ANO3: variants seen among roughly 807,000 people sequenced by gnomAD.
The protein encoded by ANO3 is anoctamin-3.
Under a neutral mutation model 144.8 loss-of-function variants are expected in ANO3, and 99 were observed. The observed-to-expected ratio is 0.68, with a 90% confidence interval of 0.58 to 0.81. The LOEUF (loss-of-function observed/expected upper bound fraction) is 0.81, where lower values mean the gene tolerates loss of function less well. Among genes scored for constraint, ANO3 ranks in the 30% least tolerant of loss-of-function variants. The pLI, the probability that ANO3 is intolerant of heterozygous loss-of-function variation, is 0.00. For synonymous variants in ANO3, 414 were observed against 392.6 expected, an observed-to-expected ratio of 1.05 and a Z score of -0.64; for missense variants, 905 against 1,202.2, an observed-to-expected ratio of 0.75 and a Z score of 3.66.
At chr11:26,190,872 C>T (rs775445460) in intron 1 of ANO3, among the ~76,000 whole-genome samples, 1 of 152,194 alleles carries the variant, frequency 6.6e-6, no homozygotes, top group African/African-American at 2.4e-5. Context: ...TGAAATGCTT[C>T]CTCCTTTTTG....
intron 22 of ANO3, among the ~76,000 whole-genome samples, chr11:26,642,642 C>T (rs989159427): frequency 6.6e-6 from 1 of 152,028 alleles, no homozygotes; most frequent in African/African-American, 2.4e-5. Flanking sequence ...TGAGCCACCG[C>T]ACCTGGCCAG....
intron 1 of ANO3, among the ~76,000 whole-genome samples, chr11:26,231,014 G>A (rs142781984): frequency 0.015 from 2,287 of 151,320 alleles, 49 homozygotes; most frequent in East Asian, 0.13. Context: ...GAGTAGCTGG[G>A]ATTGCAGGTG....
intron 23 of ANO3, among the ~76,000 whole-genome samples, chr11:26,645,294 T>A (rs1853309709): frequency 6.6e-6 from 1 of 152,034 alleles, no homozygotes; most frequent in South Asian, 2.1e-4. Context: ...TGAACTTATT[T>A]TGTTTCTATT....
At chr11:26,369,112 G>C (rs716700) in intron 1 of ANO3, among the ~76,000 whole-genome samples, 23,747 of 151,950 alleles carry the variant, frequency 0.16, 1,986 homozygotes, top group South Asian at 0.27. Context: ...TAAAGCAATA[G>C]AAATATTTTC....
intron 1 of ANO3, among the ~76,000 whole-genome samples, chr11:26,320,666 T>C (rs1395276643): frequency 6.6e-6 from 1 of 152,188 alleles, no homozygotes; most frequent in East Asian, 1.9e-4. Context: ...TATGATGTTA[T>C]ATCTTATTTA....
At chr11:26,292,757 G>T (rs1443326965) in intron 1 of ANO3, among the ~76,000 whole-genome samples, 2 of 152,150 alleles carry the variant, frequency 1.3e-5, no homozygotes, top group African/African-American at 2.4e-5. Context: ...AGCAAATATT[G>T]CACAACAGCA....
At chr11:26,294,705 C>T (rs1854045747) in intron 1 of ANO3, among the ~76,000 whole-genome samples, 2 of 152,144 alleles carry the variant, frequency 1.3e-5, no homozygotes, top group Admixed American at 6.5e-5. Flanking sequence ...CTGCCTGTGA[C>T]TTACTCTAGT....
At chr11:26,342,238 C>G (rs998356054) in intron 1 of ANO3, among the ~76,000 whole-genome samples, 1 of 152,110 alleles carries the variant, frequency 6.6e-6, no homozygotes, top group Admixed American at 6.6e-5. Context: ...CCTATAGGGA[C>G]TGCTATATAG....
chr11:26,446,985 G>T (rs1198656699), intron 3 of ANO3, among the ~76,000 whole-genome samples: 1 of 152,062 alleles, frequency 6.6e-6, no homozygotes, highest in African/African-American at 2.4e-5. Context: ...TGAGGCAGGA[G>T]GACTGCTTAA....
chr11:26,562,729 T>A (rs904294210), intron 14 of ANO3, among the ~76,000 whole-genome samples: 6 of 151,876 alleles, frequency 4.0e-5, no homozygotes, highest in African/African-American at 1.4e-4. Flanking sequence ...AGAATCAATC[T>A]TTGTTCAAAT....
chr11:26,497,106 G>T (rs528895851), intron 4 of ANO3, among the ~76,000 whole-genome samples: 1 of 150,870 alleles, frequency 6.6e-6, no homozygotes, highest in African/African-American at 2.4e-5. Context: ...ATTTCTGTGT[G>T]TGTATATATG....
intron 4 of ANO3, among the ~76,000 whole-genome samples, chr11:26,478,839 C>T (rs959807760): frequency 6.6e-6 from 1 of 152,100 alleles, no homozygotes; most frequent in Non-Finnish European, 1.5e-5. Flanking sequence ...CAAATGACTA[C>T]GTGTAGTCAT....
intron 1 of ANO3, among the ~76,000 whole-genome samples, chr11:26,394,570 C>CTTTTTTTTTTTTTTTTTTTTTTTTTT (rs56118844): frequency 8.6e-6 from 1 of 115,750 alleles, no homozygotes; most frequent in Non-Finnish European, 1.8e-5. Flanking sequence ...ATTTCATTTT[C>CTTTTTTTTTTTTTTTTTTTTTTTTTT]TTTTTTTTTT....
intron 1 of ANO3, among the ~76,000 whole-genome samples, chr11:26,224,510 T>C (rs1852216789): frequency 6.6e-6 from 1 of 152,254 alleles, no homozygotes; most frequent in Non-Finnish European, 1.5e-5. Flanking sequence ...TCACCACCTA[T>C]ACATGCCCCC....
intron 1 of ANO3, among the ~76,000 whole-genome samples, chr11:26,254,601 T>C (rs1853013062): frequency 6.6e-6 from 1 of 152,204 alleles, no homozygotes; most frequent in African/African-American, 2.4e-5. Context: ...ACTACGCTTA[T>C]GCATTTTGTT....
chr11:26,224,682 G>A (rs777392640), intron 1 of ANO3, among the ~76,000 whole-genome samples: 3 of 152,184 alleles, frequency 2.0e-5, no homozygotes, highest in Admixed American at 6.5e-5. Flanking sequence ...GCATCCTTTT[G>A]TCAAGGCTTT....
rs367679194 is a variant in ANO3 at position 26,503,394 on chromosome 11, A to C, written c.433-4710A>C. Among the ~76,000 whole-genome samples the C allele has an allele frequency of 6.1e-4, 93 of 152,248 alleles. 2 individuals carry two copies. In the East Asian group the frequency reaches 0.016, roughly 26 times the overall value. On this transcript the variant is annotated intron_variant, in intron 4 of 26. Transcript: ENST00000256737. ...TGACACAGGTAATCAGTTTTCAGTT[A>C]ATTCTGTTTTAAAGCAATAGGTTTG...
intron 14 of ANO3, among the ~76,000 whole-genome samples, chr11:26,588,971 C>T (rs421694): frequency 0.72 from 109,377 of 152,052 alleles, 39,463 homozygotes; most frequent in South Asian, 0.83. Context: ...GCTGTTTTGC[C>T]TCTTTTAGTC....
At chr11:26,314,249 C>A (rs1854570937) in intron 1 of ANO3, among the ~76,000 whole-genome samples, 1 of 152,124 alleles carries the variant, frequency 6.6e-6, no homozygotes, top group Non-Finnish European at 1.5e-5. Context: ...ACTTTTGAGT[C>A]CGATTATCTG....
Sources: gnomAD v4.1 joint callset for allele counts (sites outside exome capture counted in the v4.1 genomes callset) on GRCh38, gnomAD v4.1.1 for gene constraint, MANE v1.5 for transcripts, NCBI Gene and HGNC (gene_info 2026-07-23, HGNC 2026-07-21) for gene names.